Variants in ANK1 observed in about 807,000 individuals in gnomAD.
ANK1 encodes ankyrin 1, also known as ankyrin-1.
In ANK1, 51 loss-of-function variants were observed where a neutral mutation model predicts 210.4. The ratio of observed to expected loss-of-function variants is 0.24; its 90% confidence interval spans 0.19 to 0.31. The LOEUF (loss-of-function observed/expected upper bound fraction) is 0.31. Among genes scored for constraint, ANK1 ranks in the 10% least tolerant of loss-of-function variants. ANK1 has a pLI of 1.00. For synonymous variants in ANK1, 967 were observed against 1,025.9 expected, an observed-to-expected ratio of 0.94 and a Z score of 1.10; for missense variants, 2,051 against 2,504.4, an observed-to-expected ratio of 0.82 and a Z score of 3.86.
intron 1 of ANK1, among the ~76,000 whole-genome samples, chr8:41,860,896 C>G (rs1328629291): frequency 6.6e-6 from 1 of 152,206 alleles, no homozygotes; most frequent in Non-Finnish European, 1.5e-5. Flanking sequence ...CAGAAGCCTG[C>G]AAAGAGCTGG....
intron 1 of ANK1, among the ~76,000 whole-genome samples, chr8:41,825,386 T>C (rs1587238569): frequency 6.6e-6 from 1 of 152,186 alleles, no homozygotes; most frequent in South Asian, 2.1e-4. Context: ...GCCAGCTCTG[T>C]CCCCCCTAGA....
rs933286494 is a variant in ANK1, at chr8:41,780,250, T to G, written c.27+17262A>C. Among the ~76,000 whole-genome samples the G allele has an allele frequency of 2.6e-5, 4 of 152,052 alleles. No homozygotes were observed. The East Asian group carries it at 7.7e-4, about 29-fold the overall frequency. Reference sequence around the variant, plus strand: ...GATGGGGTCTTGCTATGTTGCCCAGTCTGGGTTCAAGCAATCCGACCACCT... The same window carrying G: ...GATGGGGTCTTGCTATGTTGCCCAGGCTGGGTTCAAGCAATCCGACCACCT... On this transcript the variant is annotated intron_variant, in intron 1 of 42. Coordinates refer to ENST00000289734, the MANE Select transcript of ANK1 (RefSeq NM_000037.4).
intron 2 of ANK1, among the ~76,000 whole-genome samples, chr8:41,757,303 A>G (rs565350638): frequency 6.6e-6 from 1 of 152,344 alleles, no homozygotes; most frequent in South Asian, 2.1e-4. Context: ...ATGTGTAACT[A>G]AACAACTTAA....
chr8:41,822,080 G>A (rs200807751), intron 1 of ANK1, among the ~76,000 whole-genome samples: 780 of 33,542 alleles, frequency 0.023, 19 homozygotes, highest in African/African-American at 0.16. Context: ...GAGAGAGAGA[G>A]AGAGAGAGAG....
At position 41,654,200 on chromosome 8, in the gene ANK1, C is replaced by A. The variant is rs572470025; in HGVS notation, c.*1590G>T. ...CCGCGAGGGCGGGGCCGGGATTGTG[C>A]TGATTCTGGCCTCCCTGGGCCGGAG... On this transcript the variant is annotated 3_prime_UTR_variant, in exon 43 of 43. Coordinates refer to ENST00000289734, the MANE Select transcript of ANK1 (RefSeq NM_000037.4). The A allele has an allele frequency of 1.0e-4, 16 of 152,800 alleles. No individual in the cohort carries two copies. Among genetic ancestry groups the A allele is most frequent in the Admixed American group, 3.9e-4 (6 of 15,310 alleles). The allele number at this position is 152,800 out of a possible 1,614,324, so 9.5% of individuals were successfully genotyped here.
At chr8:41,862,705 G>A (rs1199696377) in intron 1 of ANK1, among the ~76,000 whole-genome samples, 2 of 151,612 alleles carry the variant, frequency 1.3e-5, no homozygotes, top group African/African-American at 2.4e-5. Context: ...AGTTCAAAAG[G>A]GGAAAAAAGA....
rs1563845348 is a variant in ANK1, at chr8:41,822,120, AAGAGAAAGAAAGAGAAAGAAAG to A, written c.127-64005_127-63984del. ...AGAGAGAGAGAGAGAGAGAGAAAGA[AAGAGAAAGAAAGAGAAAGAAAG>A]AAAGAAAGAAAGAAAGAAAGAAAGA... On this transcript the variant is annotated intron_variant, in intron 1 of 42. Coordinates refer to the ANK1 transcript ENST00000265709. Among the ~76,000 whole-genome samples the A allele has an allele frequency of 5.6e-4, 17 of 30,530 alleles. No homozygotes were observed. In the South Asian group the frequency reaches 6.5e-3, roughly 12 times the overall value. The allele number at this position is 30,530 out of a possible 152,430, so 20.0% of individuals were successfully genotyped here. A position where few individuals can be genotyped will look rare whatever the true frequency, so the allele number is the denominator to read the frequency against.
Position 41,698,081 on chromosome 8 carries a change from G to A in ANK1, c.2599C>T (p.Pro867Ser), listed in dbSNP as rs1435310605. Reference protein sequence around the residue: ...PAIPRIPCAMPETVVIRSEEQ... With the variant: ...PAIPRIPCAMSETVVIRSEEQ... ...TCTGACCTGATCACCACTGTCTCAG[G>A]CATGGCACAGGGAATCCTGGGGATG... Residue 867 changes from proline to serine, a missense_variant, in exon 24 of 43, where the codon CCT becomes TCT. Physicochemically the swap from Pro to Ser is moderately conservative, Grantham distance 74. Coordinates refer to ENST00000289734, the MANE Select transcript of ANK1 (RefSeq NM_000037.4). 6.2e-7 allele frequency: 1 copy of A among 1,614,078 alleles called. No individual in the cohort carries two copies. Among genetic ancestry groups the A allele is most frequent in the Non-Finnish European group, 8.5e-7 (1 of 1,180,032 alleles).
intron 1 of ANK1, among the ~76,000 whole-genome samples, chr8:41,807,547 G>C (rs993976904): frequency 6.6e-6 from 1 of 152,120 alleles, no homozygotes; most frequent in Non-Finnish European, 1.5e-5. Context: ...ATCCCTAGGA[G>C]TTGACAGGAA....
chr8:41,669,581 A>G (rs1473168827), intron 38 of ANK1, among the ~76,000 whole-genome samples: 1 of 152,012 alleles, frequency 6.6e-6, no homozygotes, highest in Non-Finnish European at 1.5e-5. Flanking sequence ...AGCCTGTCCC[A>G]CCCCATCCCT....
At chr8:41,857,909 T>C (rs1812516418) in intron 1 of ANK1, among the ~76,000 whole-genome samples, 2 of 144,074 alleles carry the variant, frequency 1.4e-5, no homozygotes, top group Non-Finnish European at 3.1e-5. Context: ...ATCTCAAAAA[T>C]AAATAAATAA....
chr8:41,784,262 ACCCCATT>A (rs886146684), intron 1 of ANK1, among the ~76,000 whole-genome samples: 2 of 151,750 alleles, frequency 1.3e-5, no homozygotes, highest in Non-Finnish European at 2.9e-5. Flanking sequence ...CACTCTCTCT[ACCCCATT>A]CTCCACTCCT....
In ANK1 at chr8:41,724,572, G is replaced by T; in HGVS notation, c.613-18C>A. The T allele has an allele frequency of 6.4e-7, 1 of 1,567,574 alleles. No homozygotes were observed. The highest frequency in any genetic ancestry group is 8.7e-7 in the Non-Finnish European group (1 of 1,154,952). ...AATCCCGTCTGGGGCACAACAGAGG[G>T]GGAGAAACTTGTTATATGTGATTTA... On this transcript the variant is annotated intron_variant, in intron 6 of 42. Coordinates refer to ENST00000289734, the MANE Select transcript of ANK1 (RefSeq NM_000037.4).
intron 1 of ANK1, among the ~76,000 whole-genome samples, chr8:41,786,336 C>A (rs536184518): frequency 2.6e-5 from 4 of 152,316 alleles, no homozygotes; most frequent in African/African-American, 9.6e-5. Context: ...CCTTGGGGAC[C>A]CTGTAGACAG....
chr8:41,742,696 A>G (rs1835078667), intron 2 of ANK1, among the ~76,000 whole-genome samples: 1 of 152,162 alleles, frequency 6.6e-6, no homozygotes, highest in South Asian at 2.1e-4. Flanking sequence ...TGGCCAGGGG[A>G]AGATATTATG....
At chr8:41,872,573 G>A (rs374163800) in intron 1 of ANK1, among the ~76,000 whole-genome samples, 1 of 152,244 alleles carries the variant, frequency 6.6e-6, no homozygotes. Context: ...GAAGCCCCAT[G>A]TCAGAGGCCT....
At chr8:41,691,115 A>G (rs1249224564) in intron 31 of ANK1, among the ~76,000 whole-genome samples, 4 of 152,168 alleles carry the variant, frequency 2.6e-5, no homozygotes, top group Non-Finnish European at 5.9e-5. Flanking sequence ...AGTCCCAGCT[A>G]CTTGGGATGC....
chr8:41,679,257 G>A (rs556265905), intron 37 of ANK1, among the ~76,000 whole-genome samples: 15 of 152,338 alleles, frequency 9.8e-5, no homozygotes, highest in African/African-American at 3.1e-4. Context: ...TTTTGTATCC[G>A]TGTATGCTTG....
At chr8:41,848,405 T>G (rs1810507095) in intron 1 of ANK1, among the ~76,000 whole-genome samples, 2 of 152,066 alleles carry the variant, frequency 1.3e-5, no homozygotes, top group Admixed American at 6.6e-5. Context: ...ACAGGGGAAG[T>G]GGGAAGCGTG....
Sources: allele counts gnomAD v4.1 joint callset (sites outside exome capture counted in the v4.1 genomes callset), GRCh38; gene constraint gnomAD v4.1.1; transcripts MANE v1.5; gene names NCBI Gene and HGNC (gene_info 2026-07-23, HGNC 2026-07-21).